Variants in MPHOSPH9 observed in about 807,000 individuals in gnomAD.
The protein encoded by MPHOSPH9 is M-phase phosphoprotein 9.
In MPHOSPH9, 88 loss-of-function variants were observed where a neutral mutation model predicts 145.5. That is an observed-to-expected ratio of 0.60 (90% CI 0.51 to 0.72). MPHOSPH9 has a LOEUF of 0.72. MPHOSPH9 is among the 30% of genes least tolerant of loss of function. The probability of loss-of-function intolerance (pLI) is 0.00; values close to 1 mark genes in which losing one functional copy is unlikely to be tolerated. For missense variants in MPHOSPH9, 1,238 were observed against 1,386.6 expected (o/e 0.89, Z 1.70); for synonymous variants, 435 against 486.2 (o/e 0.89, Z 1.39).
chr12:123,179,467 C>T (rs981523732), intron 15 of MPHOSPH9, among the ~76,000 whole-genome samples: 15 of 152,142 alleles, frequency 9.9e-5, no homozygotes, highest in African/African-American at 3.1e-4. Context: ...CCCAGCTACT[C>T]GGGAGGCTGA....
In MPHOSPH9 at chr12:123,175,768, G is replaced by A. The variant is rs758152742; in HGVS notation, c.2456+920C>T. Among the ~76,000 whole-genome samples the A allele has an allele frequency of 2.5e-3, 357 of 141,812 alleles. 2 individuals carry two copies. Among genetic ancestry groups the A allele is most frequent in the Non-Finnish European group, 3.5e-3 (230 of 66,594 alleles). The allele number at this position is 141,812 out of a possible 152,430, so 93.0% of individuals were successfully genotyped here. Reference sequence around the variant, plus strand: ...GGCCTTCCCTGGTCCCCAACCCGAAGCTCTCTCTTTTATCTCTCTCAAATG... The same window carrying A: ...GGCCTTCCCTGGTCCCCAACCCGAAACTCTCTCTTTTATCTCTCTCAAATG... On this transcript the variant is annotated intron_variant, in intron 16 of 23. Coordinates refer to ENST00000606320, the MANE Select transcript of MPHOSPH9 (RefSeq NM_022782.4).
intron 6 of MPHOSPH9, among the ~76,000 whole-genome samples, chr12:123,217,861 T>C (rs2047032407): frequency 6.6e-6 from 1 of 151,872 alleles, no homozygotes; most frequent in Non-Finnish European, 1.5e-5. Flanking sequence ...CTGGCCAACA[T>C]GGTGAAACCC....
intron 12 of MPHOSPH9, among the ~76,000 whole-genome samples, chr12:123,196,218 T>C (rs148402826): frequency 0.051 from 7,818 of 151,950 alleles, 260 homozygotes; most frequent in Middle Eastern, 0.12. Flanking sequence ...GGCTTGGTGG[T>C]GGGCACCTGT....
chr12:123,200,299 G>T (rs990988849), intron 11 of MPHOSPH9, among the ~76,000 whole-genome samples: 1 of 149,928 alleles, frequency 6.7e-6, no homozygotes, highest in Non-Finnish European at 1.5e-5. Flanking sequence ...CTGTAACACA[G>T]CTTTTTTTTT....
At chr12:123,165,601 G>A (rs907715153) in intron 17 of MPHOSPH9, 124 bp from the exon 18 acceptor site, 2 of 866,638 alleles carry the variant, frequency 2.3e-6, no homozygotes, top group South Asian at 3.6e-5. Context: ...TGGAGGTGGG[G>A]TCTTTACGAG....
chr12:123,236,688 A>G (rs1160027809), upstream of MPHOSPH9, among the ~76,000 whole-genome samples: 2 of 152,030 alleles, frequency 1.3e-5, no homozygotes, highest in African/African-American at 4.8e-5. Context: ...AGGCTTTGAG[A>G]CTTTTGGAAG....
At position 123,154,483 on chromosome 12, in the gene MPHOSPH9, T is replaced by C. The variant is rs1258768961; in HGVS notation, c.*2324A>G. ...AGAAATAAGTGACTGATAGCTCCAA[T>C]CTATTACACACTTCAAATATCAAAG... On this transcript the variant is annotated 3_prime_UTR_variant, in exon 24 of 24. Coordinates refer to ENST00000606320, the MANE Select transcript of MPHOSPH9 (RefSeq NM_022782.4). 6.6e-6 allele frequency: 1 copy of C among 152,162 alleles called. No individual in the cohort carries two copies. The highest frequency in any genetic ancestry group is 2.4e-5 in the African/African-American group (1 of 41,428). The allele number at this position is 152,162 out of a possible 1,614,324, so 9.4% of individuals were successfully genotyped here.
At chr12:123,216,048 T>C (rs1364905477) in intron 6 of MPHOSPH9, among the ~76,000 whole-genome samples, 9 of 152,144 alleles carry the variant, frequency 5.9e-5, no homozygotes, top group Admixed American at 4.6e-4. Context: ...TTATCCTGGC[T>C]AACACGGTGA....
intron 3 of MPHOSPH9, among the ~76,000 whole-genome samples, chr12:123,226,789 C>T (rs1251742566): frequency 6.6e-6 from 1 of 152,056 alleles, no homozygotes; most frequent in African/African-American, 2.4e-5. Context: ...GCCACCATGA[C>T]CAGCTAATTT....
chr12:123,178,006 T>A (rs2044958048), intron 15 of MPHOSPH9, among the ~76,000 whole-genome samples: 1 of 152,326 alleles, frequency 6.6e-6, no homozygotes, highest in South Asian at 2.1e-4. Context: ...TCTGGCCAAC[T>A]GACTATTTTA....
chr12:123,161,067 A>C, intron 22 of MPHOSPH9, 69 bp downstream of exon 22: 1 of 1,553,352 alleles, frequency 6.4e-7, no homozygotes, highest in Non-Finnish European at 8.7e-7. Flanking sequence ...TGACTCAATA[A>C]TTCCCTTCTC....
Position 123,176,796 on chromosome 12 carries a change from C to G in MPHOSPH9, c.2355-7G>C, listed in dbSNP as rs199577512. On this transcript the variant is annotated splice_polypyrimidine_tract_variant and splice_region_variant and intron_variant, in intron 15 of 23. Transcript: ENST00000606320. ...TTCAAGTTTTGAAATCATTCTAATT[C>G]AAAAGCAATAAAGATAAATTAAGTA... 5.7e-6 allele frequency: 9 copies of G among 1,588,016 alleles called. No individual in the cohort carries two copies. The Admixed American group carries it at 1.5e-4, about 27-fold the overall frequency.
rs1236247735 is a variant in MPHOSPH9 at position 123,227,547 on chromosome 12, T to A, written c.174A>T (p.Gln58His). The A allele has an allele frequency of 6.5e-7, 1 of 1,532,994 alleles. No homozygotes were observed. Among genetic ancestry groups the A allele is most frequent in the Admixed American group, 2.0e-5 (1 of 50,862 alleles). The allele number at this position is 1,532,994 out of a possible 1,614,324, so 95.0% of individuals were successfully genotyped here. Residue 58 changes from glutamine to histidine, a missense_variant, in exon 3 of 24, where the codon CAA becomes CAT. Gln to His is a conservative substitution (Grantham distance 24). Transcript: ENST00000606320. Reference protein sequence around the residue: ...FSGKTRPSVIQGTVEVLTSLM... With the variant: ...FSGKTRPSVIHGTVEVLTSLM... The stretch of plus-strand genomic sequence containing the variant: ...AAGAAGTTAGGACTTCAACTGTACC[T>A]TGAATTACAGATGGTCTGGTCTTCC...
intron 13 of MPHOSPH9, among the ~76,000 whole-genome samples, chr12:123,193,093 AAAAAT>A (rs1349635803): frequency 1.1e-4 from 4 of 36,854 alleles, no homozygotes; most frequent in African/African-American, 1.8e-4. Context: ...AAAAAAAAAA[AAAAAT>A]ATATATATAT....
chr12:123,200,958 C>A lies in MPHOSPH9; in HGVS notation c.1937+1206G>T, dbSNP rs2046196335. 2.0e-5 allele frequency among the ~76,000 whole-genome samples: 3 copies of A among 152,070 alleles called. No homozygotes were observed. In the South Asian group the frequency reaches 6.2e-4, roughly 32 times the overall value. ...ACAGGTGTGAGCCACCACACTCAGCCTCATCTTTGCCTTCTAAACAAAAAC... is the reference window on the plus strand; with the variant it reads ...ACAGGTGTGAGCCACCACACTCAGCATCATCTTTGCCTTCTAAACAAAAAC... On this transcript the variant is annotated intron_variant, in intron 11 of 23. Coordinates refer to ENST00000606320, the MANE Select transcript of MPHOSPH9 (RefSeq NM_022782.4).
At chr12:123,182,261 G>GTT (rs532750226) in intron 13 of MPHOSPH9, among the ~76,000 whole-genome samples, 134 of 61,820 alleles carry the variant, frequency 2.2e-3, no homozygotes, top group East Asian at 8.4e-3. Context: ...TTTTTTTTTT[G>GTT]TTTTTTTTTT....
At position 123,194,600 on chromosome 12, in the gene MPHOSPH9, T is replaced by C. The variant is rs1437202075; in HGVS notation, c.2027A>G (p.Asn676Ser). ...TGCACTGAAGCGTTCTCTCAAATCA[T>C]TCTATAAAACAAAGACAAACATAAT... ...NKNNLLEIEV[N>S]DLRERFSAAS... is the part of the protein sequence containing the mutation. Residue 676 changes from asparagine (N) to serine (S), a missense_variant and splice_region_variant, in exon 13 of 24, where the codon AAT becomes AGT. Coordinates refer to ENST00000606320, the MANE Select transcript of MPHOSPH9 (RefSeq NM_022782.4). The C allele has an allele frequency of 7.6e-6, 12 of 1,575,702 alleles. No homozygotes were observed. The East Asian group carries it at 2.7e-4, about 35-fold the overall frequency.
rs529523975 is a variant in MPHOSPH9, at chr12:123,192,213, A to G, written c.2241+2173T>C. Among the ~76,000 whole-genome samples, 5 of 152,206 alleles carry G rather than the reference A, an allele frequency of 3.3e-5. No individual in the cohort carries two copies. In the East Asian group the frequency reaches 9.7e-4, roughly 29 times the overall value. On this transcript the variant is annotated intron_variant, in intron 13 of 23. Coordinates refer to ENST00000606320, the MANE Select transcript of MPHOSPH9 (RefSeq NM_022782.4). Reference sequence around the variant, plus strand: ...TAATCCCTGTAATCCCTGCACTTTGAGAGGCTGAGGCAGGAGGAACGCTTG... The same window carrying G: ...TAATCCCTGTAATCCCTGCACTTTGGGAGGCTGAGGCAGGAGGAACGCTTG...
chr12:123,224,376 C>T (rs981042246), intron 3 of MPHOSPH9, among the ~76,000 whole-genome samples: 10 of 151,988 alleles, frequency 6.6e-5, no homozygotes, highest in Admixed American at 2.0e-4. Flanking sequence ...CCTCATGATC[C>T]GCCTGCCTCG....
Sources: allele counts gnomAD v4.1 joint callset (sites outside exome capture counted in the v4.1 genomes callset), GRCh38; gene constraint gnomAD v4.1.1; transcripts MANE v1.5; gene names NCBI Gene and HGNC (gene_info 2026-07-23, HGNC 2026-07-21).